The following PCSK6 variants were observed in gnomAD, a reference collection of about 807,000 sequenced individuals.
PCSK6 encodes the protein proprotein convertase subtilisin/kexin type 6.
PCSK6 carries 85 observed loss-of-function variants against 123.3 expected under a neutral mutation model. That is an observed-to-expected ratio of 0.69 (90% CI 0.58 to 0.83). The LOEUF is 0.83. Ranked by LOEUF, PCSK6 falls within the 40% of genes least tolerant of loss-of-function variation. The pLI is 0.00. For missense variants in PCSK6, 1,191 were observed against 1,282.3 expected, an observed-to-expected ratio of 0.93 and a Z score of 1.09; for synonymous variants, 508 against 516.0, an observed-to-expected ratio of 0.98 and a Z score of 0.21.
intron 1 of PCSK6, among the ~76,000 whole-genome samples, chr15:101,455,351 A>G (rs1480286646): frequency 1.3e-5 from 2 of 152,200 alleles, no homozygotes; most frequent in Non-Finnish European, 2.9e-5. Context: ...AACAGCTCTT[A>G]GCTCCGGAAA....
intron 13 of PCSK6, among the ~76,000 whole-genome samples, chr15:101,336,387 T>C (rs1289785252): frequency 2.0e-5 from 3 of 152,214 alleles, no homozygotes; most frequent in Non-Finnish European, 2.9e-5. Context: ...GCTGTGTGCA[T>C]GTGTACCTGT....
intron 1 of PCSK6, among the ~76,000 whole-genome samples, chr15:101,484,968 G>C (rs1359134862): frequency 1.3e-5 from 2 of 152,140 alleles, no homozygotes; most frequent in African/African-American, 4.8e-5. Flanking sequence ...GTTCTTCCAG[G>C]ATATGTCTGG....
chr15:101,313,167 G>T (rs1596168451), intron 20 of PCSK6: 1 of 1,498,518 alleles, frequency 6.7e-7, no homozygotes, highest in South Asian at 1.3e-5. Context: ...GCTGCACGGT[G>T]TCTGCCCACA....
At chr15:101,484,675 G>A (rs552768328) in intron 1 of PCSK6, among the ~76,000 whole-genome samples, 8 of 152,214 alleles carry the variant, frequency 5.3e-5, no homozygotes, top group African/African-American at 1.9e-4. Context: ...ACAGGCGTGA[G>A]CCACCACGCC....
intron 7 of PCSK6, among the ~76,000 whole-genome samples, chr15:101,397,051 C>G (rs905420482): frequency 9.9e-5 from 15 of 152,056 alleles, no homozygotes; most frequent in Admixed American, 3.9e-4. Flanking sequence ...GAGGTGCAGG[C>G]AGGTGCAGCT....
chr15:101,401,505 C>G (rs1174707520), intron 6 of PCSK6, among the ~76,000 whole-genome samples: 1 of 152,168 alleles, frequency 6.6e-6, no homozygotes, highest in Admixed American at 6.5e-5. Flanking sequence ...GGGAGGTCCA[C>G]AGAGTGGAGC....
At chr15:101,456,892 T>C (rs2141191688) in intron 1 of PCSK6, among the ~76,000 whole-genome samples, 1 of 152,284 alleles carries the variant, frequency 6.6e-6, no homozygotes, top group African/African-American at 2.4e-5. Context: ...AGATCTCAGC[T>C]TGGGCTGGGC....
chr15:101,417,918 T>C (rs1567206218), intron 6 of PCSK6, among the ~76,000 whole-genome samples: 1 of 152,010 alleles, frequency 6.6e-6, no homozygotes, highest in Non-Finnish European at 1.5e-5. Context: ...ATGTGCAAAT[T>C]TATTACATGG....
intron 12 of PCSK6, among the ~76,000 whole-genome samples, chr15:101,369,773 G>GAATT (rs3837712): frequency 0.29 from 44,533 of 152,006 alleles, 6,840 homozygotes; most frequent in Admixed American, 0.43. Flanking sequence ...CGAAGCTTTG[G>GAATT]AATTCCCAGC....
At chr15:101,426,215 G>C (rs978598875) in intron 6 of PCSK6, among the ~76,000 whole-genome samples, 1 of 152,202 alleles carries the variant, frequency 6.6e-6, no homozygotes, top group Non-Finnish European at 1.5e-5. Context: ...CTTAGCCCAA[G>C]CCGATGGTTT....
intron 18 of PCSK6, among the ~76,000 whole-genome samples, chr15:101,321,908 G>A (rs140625420): frequency 4.5e-4 from 69 of 152,368 alleles, no homozygotes; most frequent in African/African-American, 1.5e-3. Context: ...ACAGCAATTC[G>A]GAGGAACAGG....
chr15:101,311,027 C>T (rs1230909798), intron 20 of PCSK6, among the ~76,000 whole-genome samples: 9 of 152,132 alleles, frequency 5.9e-5, no homozygotes, highest in Admixed American at 3.3e-4. Context: ...TGGGGTGGAT[C>T]CCTCATAAAT....
chr15:101,305,367 C>T lies in PCSK6; in HGVS notation c.2813-12G>A. 1 of 1,609,020 alleles carries T rather than the reference C, an allele frequency of 6.2e-7. No individual in the cohort carries two copies. Among genetic ancestry groups the T allele is most frequent in the Middle Eastern group, 1.7e-4 (1 of 6,058 alleles). On this transcript the variant is annotated splice_polypyrimidine_tract_variant and intron_variant, in intron 21 of 21. Transcript: ENST00000611716. This position sits in a 1 kb window ranked among gnomAD's most constrained non-coding sequence, Gnocchi z 4.8. ...GAATGTCTCGTCAGCTGGGGCCCCGCATCAGGAAAGGCAAAAGAGGGAAAG... is the reference window on the plus strand; with the variant it reads ...GAATGTCTCGTCAGCTGGGGCCCCGTATCAGGAAAGGCAAAAGAGGGAAAG...
Position 101,313,394 on chromosome 15 carries a change from G to C in PCSK6, c.2681C>G (p.Pro894Arg). ...ACCGTACCTTCGACACACTTTGTGG[G>C]GCAAGCCCGGCATCTCTTCTGGGTA... Reference protein sequence around the residue: ...GFYPEEMPGLPHKVCRRCDEN... With the variant: ...GFYPEEMPGLRHKVCRRCDEN... The change falls in exon 20 of 22, where the codon CCC becomes CGC. Residue 894 changes from proline to arginine, a missense_variant. Transcript: ENST00000611716. The C allele has an allele frequency of 6.2e-7, 1 of 1,612,744 alleles. No homozygotes were observed.
At chr15:101,361,117 A>G (rs568187782) in intron 13 of PCSK6, among the ~76,000 whole-genome samples, 4 of 151,290 alleles carry the variant, frequency 2.6e-5, no homozygotes, top group African/African-American at 9.7e-5. Flanking sequence ...TGTTTTATTT[A>G]AGACTTCCGT....
intron 1 of PCSK6, among the ~76,000 whole-genome samples, chr15:101,459,110 T>A (rs187338968): frequency 6.6e-6 from 1 of 152,136 alleles, no homozygotes; most frequent in Non-Finnish European, 1.5e-5. Context: ...GCCTCACTGC[T>A]AGCTCCGCCC....
rs1383191448 is a variant in PCSK6 at position 101,398,139 on chromosome 15, C to T, written c.996+265G>A. ...AGCCAGGGATGGGCAAACTCCAAGG[C>T]AGAGAGGGTCGTGCTAGCAGTGGCC... On this transcript the variant is annotated intron_variant, in intron 7 of 21. Coordinates refer to ENST00000611716, the MANE Select transcript of PCSK6 (RefSeq NM_002570.5). The surrounding 1 kb of genome is among the most constrained non-coding windows in gnomAD (Gnocchi z 4.6). Among the ~76,000 whole-genome samples, 1 of 152,216 alleles carries T rather than the reference C, an allele frequency of 6.6e-6. No homozygotes were observed. Among genetic ancestry groups the T allele is most frequent in the Non-Finnish European group, 1.5e-5 (1 of 68,028 alleles).
At chr15:101,346,907 ATACT>A in intron 13 of PCSK6, 1 of 1,231,742 alleles carries the variant, frequency 8.1e-7, no homozygotes, top group East Asian at 3.2e-5. Flanking sequence ...GTGGGGATAC[ATACT>A]TCTTTTTTTC....
At chr15:101,477,197 A>C (rs2057753489) in intron 1 of PCSK6, among the ~76,000 whole-genome samples, 1 of 152,216 alleles carries the variant, frequency 6.6e-6, no homozygotes, top group Non-Finnish European at 1.5e-5. Context: ...AAGTTGCAAA[A>C]GTAGACAATC....
Sources: allele counts gnomAD v4.1 joint callset (sites outside exome capture counted in the v4.1 genomes callset), GRCh38; gene constraint gnomAD v4.1.1; non-coding constraint Gnocchi (gnomAD v3.1); transcripts MANE v1.5; gene names NCBI Gene and HGNC (gene_info 2026-07-23, HGNC 2026-07-21).